Variants in CSMD1 observed in about 807,000 individuals in gnomAD.
CSMD1 encodes CUB and Sushi multiple domains 1.
In CSMD1, 213 loss-of-function variants were observed where a neutral mutation model predicts 417.5. The ratio of observed to expected loss-of-function variants is 0.51; its 90% CI spans 0.46 to 0.57. The LOEUF (loss-of-function observed/expected upper bound fraction) is 0.57. Among genes scored for constraint, CSMD1 ranks in the 20% least tolerant of loss-of-function variants. The pLI, the probability that CSMD1 is intolerant of heterozygous loss-of-function variation, is 0.00. For synonymous variants in CSMD1, 2,862 were observed against 1,736.8 expected (o/e 1.65, Z -16.11); for missense variants, 6,923 against 4,529.7 (o/e 1.53, Z -15.17).
Position 4,914,888 on chromosome 8 carries a change from A to G in CSMD1, c.85+79444T>C, listed in dbSNP as rs548299817. Reference sequence around the variant, plus strand: ...CACCTCCTGAACTCACAAGAAAGACATGGGGTATTCCCAAGTCACAGAAAA... The same window carrying G: ...CACCTCCTGAACTCACAAGAAAGACGTGGGGTATTCCCAAGTCACAGAAAA... On this transcript the variant is annotated intron_variant, in intron 1 of 69. Transcript: ENST00000635120. 3.3e-5 allele frequency among the ~76,000 whole-genome samples: 5 copies of G among 152,302 alleles called. No homozygotes were observed. In the East Asian group the frequency reaches 7.7e-4, roughly 24 times the overall value.
At chr8:4,162,103 G>A (rs2131099593) in intron 3 of CSMD1, among the ~76,000 whole-genome samples, 1 of 152,262 alleles carries the variant, frequency 6.6e-6, no homozygotes, top group East Asian at 1.9e-4. Flanking sequence ...AAACACTGAA[G>A]CAATATATGG....
chr8:3,705,214 C>T (rs1801097886), intron 7 of CSMD1, among the ~76,000 whole-genome samples: 1 of 152,192 alleles, frequency 6.6e-6, no homozygotes, highest in Non-Finnish European at 1.5e-5. Flanking sequence ...CTGAAGGCAA[C>T]AAGGGGCACA....
At chr8:4,956,334 A>G (rs1809110917) in intron 1 of CSMD1, among the ~76,000 whole-genome samples, 1 of 151,542 alleles carries the variant, frequency 6.6e-6, no homozygotes, top group Non-Finnish European at 1.5e-5. Context: ...AATAATTAAC[A>G]TCCACTATAA....
rs748874682 is a variant in CSMD1, at chr8:3,524,745, CAT to C, written c.1345-31021_1345-31020del. 1.7e-4 allele frequency among the ~76,000 whole-genome samples: 26 copies of C among 151,658 alleles called. No homozygotes were observed. The East Asian group carries it at 3.3e-3, about 19-fold the overall frequency. ...GCACACACACACATGCACACCGAGACATGTGCACACACACATGCACATATGCA... is the reference window on the plus strand; with the variant it reads ...GCACACACACACATGCACACCGAGACGTGCACACACACATGCACATATGCA... On this transcript the variant is annotated intron_variant, in intron 10 of 69. Transcript: ENST00000635120.
intron 5 of CSMD1, among the ~76,000 whole-genome samples, chr8:3,861,302 C>T (rs775584174): frequency 3.9e-5 from 6 of 152,214 alleles, no homozygotes; most frequent in African/African-American, 7.2e-5. Context: ...CTTTGTCCTA[C>T]ATGAATATTT....
intron 39 of CSMD1, among the ~76,000 whole-genome samples, chr8:3,155,429 G>A (rs113473674): frequency 0.055 from 6,756 of 123,522 alleles, 352 homozygotes; most frequent in African/African-American, 0.15. Flanking sequence ...GTGCAGTGGC[G>A]CGATCTTGGC....
intron 1 of CSMD1, among the ~76,000 whole-genome samples, chr8:4,700,304 T>A (rs569074986): frequency 9.9e-4 from 150 of 151,986 alleles, no homozygotes; most frequent in Non-Finnish European, 1.1e-3. Context: ...CCAACGTGAA[T>A]GTTTTAAAGG....
At chr8:4,279,346 A>G (rs1796655644) in intron 3 of CSMD1, among the ~76,000 whole-genome samples, 1 of 152,212 alleles carries the variant, frequency 6.6e-6, no homozygotes, top group Non-Finnish European at 1.5e-5. Flanking sequence ...AGACAGATAC[A>G]GGTGGCAAAC....
intron 6 of CSMD1, among the ~76,000 whole-genome samples, chr8:3,723,995 A>C (rs988364276): frequency 9.7e-5 from 5 of 51,574 alleles, no homozygotes; most frequent in African/African-American, 1.7e-4. Flanking sequence ...GTCCACTATT[A>C]TCTAAGAGGG....
chr8:4,344,235 C>G (rs1016658013), intron 3 of CSMD1, among the ~76,000 whole-genome samples: 1 of 152,116 alleles, frequency 6.6e-6, no homozygotes, highest in Admixed American at 6.6e-5. Flanking sequence ...CCCAAAGGTG[C>G]CTCTGACACA....
At chr8:4,808,466 G>A (rs184610530) in intron 1 of CSMD1, among the ~76,000 whole-genome samples, 1 of 152,162 alleles carries the variant, frequency 6.6e-6, no homozygotes, top group Non-Finnish European at 1.5e-5. Context: ...CTTGAAGCTT[G>A]TATCTGTACT....
intron 3 of CSMD1, among the ~76,000 whole-genome samples, chr8:4,416,014 T>A (rs1188830946): frequency 6.6e-6 from 1 of 152,194 alleles, no homozygotes; most frequent in African/African-American, 2.4e-5. Flanking sequence ...GTGATAATAA[T>A]AGATCACCTT....
At chr8:3,597,422 T>TATCATCAGATGATCA (rs11271261) in intron 8 of CSMD1, among the ~76,000 whole-genome samples, 1 of 151,776 alleles carries the variant, frequency 6.6e-6, no homozygotes, top group African/African-American at 2.4e-5. Context: ...AGTAGGGAAC[T>TATCATCAGATGATCA]ACTTTCAATG....
chr8:3,668,885 G>A (rs1255657512), intron 7 of CSMD1, among the ~76,000 whole-genome samples: 2 of 152,092 alleles, frequency 1.3e-5, no homozygotes, highest in East Asian at 1.9e-4. Flanking sequence ...GCCTTAATGC[G>A]GGTGGCAAAG....
chr8:4,683,230 T>G (rs1000138687), intron 1 of CSMD1, among the ~76,000 whole-genome samples: 3 of 152,070 alleles, frequency 2.0e-5, no homozygotes, highest in Non-Finnish European at 2.9e-5. Flanking sequence ...ATGAAGAGTC[T>G]AATGATCTCA....
intron 49 of CSMD1, among the ~76,000 whole-genome samples, chr8:3,061,906 T>G (rs778181575): frequency 6.6e-6 from 1 of 152,174 alleles, no homozygotes; most frequent in Non-Finnish European, 1.5e-5. Context: ...TTCTTATGAC[T>G]AGTAAACGGC....
intron 5 of CSMD1, among the ~76,000 whole-genome samples, chr8:3,942,413 A>G (rs1810944765): frequency 6.6e-6 from 1 of 152,142 alleles, no homozygotes; most frequent in Non-Finnish European, 1.5e-5. Flanking sequence ...CTGCTAAGGC[A>G]AAGCATTACA....
intron 3 of CSMD1, among the ~76,000 whole-genome samples, chr8:4,281,861 T>TA (rs920252631): frequency 7.2e-5 from 11 of 152,156 alleles, no homozygotes; most frequent in Admixed American, 5.9e-4. Context: ...TAACATGCAT[T>TA]AAAAAAATGT....
intron 10 of CSMD1, among the ~76,000 whole-genome samples, chr8:3,573,871 A>T (rs1320576458): frequency 1.3e-5 from 2 of 151,956 alleles, no homozygotes; most frequent in Non-Finnish European, 2.9e-5. Flanking sequence ...TACCTATAAT[A>T]GTTTCCTCAC....
Sources: allele counts gnomAD v4.1 joint callset (sites outside exome capture counted in the v4.1 genomes callset), GRCh38; gene constraint gnomAD v4.1.1; transcripts MANE v1.5; gene names NCBI Gene and HGNC (gene_info 2026-07-23, HGNC 2026-07-21).